Variants in ZNF507 observed in about 807,000 individuals in gnomAD.
ZNF507 encodes zinc finger protein 507.
In ZNF507, 29 loss-of-function variants were observed where a neutral mutation model predicts 80.0. The observed-to-expected ratio is 0.36, with a 90% CI of 0.27 to 0.49. The LOEUF is 0.49. Among genes scored for constraint, ZNF507 ranks in the 20% least tolerant of loss-of-function variants. The pLI, the probability that ZNF507 is intolerant of heterozygous loss-of-function variation, is 0.98. For synonymous variants in ZNF507, 462 were observed against 422.5 expected (o/e 1.09, Z -1.15); for missense variants, 1,081 against 1,152.2 (o/e 0.94, Z 0.90).
At position 32,354,636 on chromosome 19, in the gene ZNF507, T is replaced by C. The variant is rs951170193; in HGVS notation, c.1806T>C (p.Ala602=). Residue 602 remains alanine, a synonymous_variant, in exon 3 of 7, where the codon GCT becomes GCC. Transcript: ENST00000355898. ...TGAGAGAAAGGACAGACCAAAACGCTTCAGACGATGACATTTTGAAAGAGT... is the reference window on the plus strand; with the variant it reads ...TGAGAGAAAGGACAGACCAAAACGCCTCAGACGATGACATTTTGAAAGAGT... ...EKLRERTDQN[A]SDDDILKELQ... is the part of the protein sequence containing the mutation. 1.5e-5 allele frequency: 25 copies of C among 1,613,938 alleles called. No homozygotes were observed. The highest frequency in any genetic ancestry group is 1.8e-5 in the Non-Finnish European group (21 of 1,180,030).
intron 5 of ZNF507, among the ~76,000 whole-genome samples, chr19:32,371,639 TATTA>T (rs771647549): frequency 2.0e-4 from 24 of 120,686 alleles, no homozygotes; most frequent in Admixed American, 3.8e-4. Flanking sequence ...TTATTATTAT[TATTA>T]TTTTTTTTTT....
At chr19:32,370,283 T>G (rs1378172760) in intron 5 of ZNF507, among the ~76,000 whole-genome samples, 1 of 152,212 alleles carries the variant, frequency 6.6e-6, no homozygotes. Flanking sequence ...CTGGGTCGTG[T>G]GGTAGTTCTG....
intron 2 of ZNF507, among the ~76,000 whole-genome samples, chr19:32,352,206 CTTTTA>C (rs1489591393): frequency 6.6e-6 from 1 of 151,912 alleles, no homozygotes; most frequent in East Asian, 1.9e-4. Flanking sequence ...TAGATTATTG[CTTTTA>C]TTTAATTTCA....
At chr19:32,366,254 T>C (rs1967396981) in intron 5 of ZNF507, among the ~76,000 whole-genome samples, 1 of 152,132 alleles carries the variant, frequency 6.6e-6, no homozygotes, top group African/African-American at 2.4e-5. Flanking sequence ...CTCCTGAAAA[T>C]TGCATAAATC....
Position 32,385,502 on chromosome 19 carries a change from G to A in ZNF507, c.*2419G>A, listed in dbSNP as rs1599563022. On this transcript the variant is annotated 3_prime_UTR_variant, in exon 7 of 7. Transcript: ENST00000355898. ...TAATGAAGATTATGCAATTCTAACTGTAGAAGAGATAGCTATTAAAATAAT... is the reference window on the plus strand; with the variant it reads ...TAATGAAGATTATGCAATTCTAACTATAGAAGAGATAGCTATTAAAATAAT... 1 of 152,188 alleles carries A rather than the reference G, an allele frequency of 6.6e-6. No individual in the cohort carries two copies. The highest frequency in any genetic ancestry group is 2.4e-5 in the African/African-American group (1 of 41,454). The allele number at this position is 152,188 out of a possible 1,614,324, so 9.4% of individuals were successfully genotyped here.
chr19:32,357,401 T>C (rs1967267429), intron 4 of ZNF507: 1 of 152,252 alleles, frequency 6.6e-6, no homozygotes, highest in Admixed American at 6.5e-5. Flanking sequence ...TGATATACTT[T>C]AAATGTCTCC....
At chr19:32,368,077 A>T (rs983526518) in intron 5 of ZNF507, among the ~76,000 whole-genome samples, 1 of 152,122 alleles carries the variant, frequency 6.6e-6, no homozygotes, top group Non-Finnish European at 1.5e-5. Context: ...CTTGCTCCTA[A>T]TAACTGTGTC....
At chr19:32,357,024 A>G (rs1967261936) in intron 4 of ZNF507, 1 of 268,362 alleles carries the variant, frequency 3.7e-6, no homozygotes, top group Non-Finnish European at 7.1e-6. Flanking sequence ...AGCAAGCCAG[A>G]AAAGCTACAA....
intron 5 of ZNF507, among the ~76,000 whole-genome samples, chr19:32,379,559 C>T (rs1406399466): frequency 6.6e-6 from 1 of 152,200 alleles, no homozygotes; most frequent in East Asian, 1.9e-4. Context: ...ATTGTCTTGA[C>T]AGTGATGTGT....
chr19:32,374,169 A>AACAC (rs56820529), intron 5 of ZNF507, among the ~76,000 whole-genome samples: 11,075 of 149,848 alleles, frequency 0.074, 534 homozygotes, highest in Middle Eastern at 0.12. Context: ...CAAAGCAAGG[A>AACAC]ACACACACAC....
rs1195586584 is a variant in ZNF507 at position 32,385,342 on chromosome 19, G to C, written c.*2259G>C. 6.6e-6 allele frequency: 1 copy of C among 152,046 alleles called. No individual in the cohort carries two copies. The highest frequency in any genetic ancestry group is 1.5e-5 in the Non-Finnish European group (1 of 68,008). 9.4% of individuals were successfully genotyped at this position (152,046 alleles called of 1,614,324 possible). A position where few individuals can be genotyped will look rare whatever the true frequency, so the allele number is the denominator to read the frequency against. ...TTCATCTGATTCTGGCCTTAGAATTGTCCTTAAAAGCTTTCTCCTGGCCGA... is the reference window on the plus strand; with the variant it reads ...TTCATCTGATTCTGGCCTTAGAATTCTCCTTAAAAGCTTTCTCCTGGCCGA... On this transcript the variant is annotated 3_prime_UTR_variant, in exon 7 of 7. Transcript: ENST00000355898.
Position 32,382,962 on chromosome 19 carries a change from G to A in ZNF507, c.2741G>A (p.Cys914Tyr). 3 of 1,614,114 alleles carry A rather than the reference G, an allele frequency of 1.9e-6. No homozygotes were observed. Among genetic ancestry groups the A allele is most frequent in the South Asian group, 1.1e-5 (1 of 91,078 alleles). The stretch of plus-strand genomic sequence containing the variant: ...TACTGCGTTTTACTCTTCTGCTGTT[G>A]TATTTGTGGTTTTGAATCAACCAGC... ...MEYCVLLFCCCICGFESTSKE... is the reference protein window; with the variant it reads ...MEYCVLLFCCYICGFESTSKE... Residue 914 changes from cysteine (C) to tyrosine (Y), a missense_variant, in exon 7 of 7, where the codon TGT (cysteine) becomes TAT (tyrosine). Coordinates refer to ENST00000355898, the MANE Select transcript of ZNF507 (RefSeq NM_001136156.2).
intron 5 of ZNF507, among the ~76,000 whole-genome samples, chr19:32,368,106 A>G (rs1228233297): frequency 6.6e-6 from 1 of 152,186 alleles, no homozygotes; most frequent in African/African-American, 2.4e-5. Flanking sequence ...TGTCTGTGCT[A>G]CACCAGGGAG....
At chr19:32,362,005 G>A (rs1024793864) in intron 5 of ZNF507, among the ~76,000 whole-genome samples, 4 of 148,952 alleles carry the variant, frequency 2.7e-5, no homozygotes, top group Admixed American at 6.9e-5. Context: ...GGCAACCTCC[G>A]CCTCCCGGGT....
chr19:32,369,521 G>C (rs1327173374), intron 5 of ZNF507, among the ~76,000 whole-genome samples: 1 of 152,192 alleles, frequency 6.6e-6, no homozygotes, highest in Non-Finnish European at 1.5e-5. Context: ...GTTGGGATAG[G>C]AAGGAGCAGT....
At position 32,382,791 on chromosome 19, in the gene ZNF507, C is replaced by T. The variant is rs201200260; in HGVS notation, c.2570C>T (p.Ser857Leu). Residue 857 changes from serine to leucine, a missense_variant, in exon 7 of 7, where the codon TCA (serine) becomes TTA (leucine). Transcript: ENST00000355898. ...AGTGCAGATCCCGTCACTGGAAGTT[C>T]AGAAAATGCAGTGTCATCTTCAGAA... ...EESADPVTGS[S>L]ENAVSSSELM... 27 of 1,613,924 alleles carry T rather than the reference C, an allele frequency of 1.7e-5. No individual in the cohort carries two copies. In the Admixed American group the frequency reaches 3.0e-4, roughly 18 times the overall value.
At position 32,354,822 on chromosome 19, in the gene ZNF507, A is replaced by T. The variant is rs757700063; in HGVS notation, c.1992A>T (p.Arg664=). The T allele has an allele frequency of 1.7e-5, 27 of 1,614,070 alleles. No homozygotes were observed. In the Admixed American group the frequency reaches 4.3e-4, roughly 26 times the overall value. ...TCAAGCAGCACTTACGAGTCCATCG[A>T]CAGAGACAGCCTTATCAGTGTCCTA... ...GYIKQHLRVH[R]QRQPYQCPIC... Residue 664 remains arginine (R), a synonymous_variant, in exon 3 of 7, where the codon CGA becomes CGT. Transcript: ENST00000355898.
In ZNF507 at chr19:32,356,659, A is replaced by G. The variant is rs774521397; in HGVS notation, c.2171A>G (p.Asp724Gly). 8.7e-6 allele frequency: 14 copies of G among 1,614,186 alleles called. No homozygotes were observed. The highest frequency in any genetic ancestry group is 1.2e-5 in the Non-Finnish European group (14 of 1,180,028). ...NHEREQHSLP[D>G]TLSIATSNEP... ...GAGAGAGAACAGCACAGTCTTCCAGATACCTTGTCAATAGCAACTTCTAAT... is the reference window on the plus strand; with the variant it reads ...GAGAGAGAACAGCACAGTCTTCCAGGTACCTTGTCAATAGCAACTTCTAAT... The change falls in exon 4 of 7, where the codon GAT becomes GGT. Residue 724 changes from aspartate to glycine, a missense_variant. Around this residue, in one of 6 missense-constraint regions of ZNF507, gnomAD observed 614 missense variants for 583.9 expected, o/e 1.05. Transcript: ENST00000355898.
intron 5 of ZNF507, among the ~76,000 whole-genome samples, chr19:32,379,056 A>G (rs146550860): frequency 1.3e-5 from 2 of 152,208 alleles, no homozygotes; most frequent in Non-Finnish European, 2.9e-5. Context: ...ATCATGGTGC[A>G]GGGCAGTTGC....
Sources: allele counts gnomAD v4.1 joint callset (sites outside exome capture counted in the v4.1 genomes callset), GRCh38; gene constraint gnomAD v4.1.1; regional missense constraint gnomAD v4.1.1; transcripts MANE v1.5; gene names NCBI Gene and HGNC (gene_info 2026-07-23, HGNC 2026-07-21).